FGD6: variants seen among roughly 807,000 people sequenced by gnomAD.
The protein encoded by FGD6 is FYVE, RhoGEF and PH domain-containing protein 6.
A neutral mutation model predicts 149.4 loss-of-function variants in FGD6; 90 were observed. The ratio of observed to expected loss-of-function variants is 0.60; its 90% CI spans 0.51 to 0.72. The LOEUF (loss-of-function observed/expected upper bound fraction) is 0.72. Ranked by LOEUF, FGD6 falls within the 30% of genes least tolerant of loss-of-function variation. The pLI is 0.00. For missense variants in FGD6, 1,437 were observed against 1,684.8 expected (o/e 0.85, Z 2.57); for synonymous variants, 527 against 584.0 (o/e 0.90, Z 1.41).
At chr12:95,106,834 C>G (rs898522801) in intron 13 of FGD6, 120 bp downstream of exon 13, 74 of 721,158 alleles carry the variant, frequency 1.0e-4, no homozygotes, top group Admixed American at 4.0e-4. Flanking sequence ...GTGGAGGTTG[C>G]AGTCAGCCAA....
intron 2 of FGD6, among the ~76,000 whole-genome samples, chr12:95,207,205 C>A (rs2056697266): frequency 6.6e-6 from 1 of 152,082 alleles, no homozygotes. Context: ...ATGGGCTTTT[C>A]AATCTTTCGG....
rs1881428152 is a variant in FGD6 at position 95,186,225 on chromosome 12, C to CTTTTTTTTTTTTTTTTTTTTTTTTTT, written c.2442-13482_2442-13481insAAAAAAAAAAAAAAAAAAAAAAAAAA. On this transcript the variant is annotated intron_variant, in intron 2 of 20. Coordinates refer to ENST00000343958, the MANE Select transcript of FGD6 (RefSeq NM_018351.4). ...AGCTAAGAATGCTTCTTATATTCTT[C>CTTTTTTTTTTTTTTTTTTTTTTTTTT]TTCTTTTTTTTTTTTTTTTTTTTTT... Among the ~76,000 whole-genome samples, 13 of 71,200 alleles carry CTTTTTTTTTTTTTTTTTTTTTTTTTT rather than the reference C, an allele frequency of 1.8e-4. 6 individuals carry two copies. Among genetic ancestry groups the CTTTTTTTTTTTTTTTTTTTTTTTTTT allele is most frequent in the East Asian group, 1.4e-3 (3 of 2,078 alleles). The allele number at this position is 71,200 out of a possible 152,430, so 46.7% of individuals were successfully genotyped here.
At chr12:95,215,209 G>A (rs1008784322) in intron 1 of FGD6, among the ~76,000 whole-genome samples, 1 of 151,904 alleles carries the variant, frequency 6.6e-6, no homozygotes. Flanking sequence ...CTCCACTAAG[G>A]GCAGATTATT....
chr12:95,148,143 T>G (rs1221402590), intron 5 of FGD6, among the ~76,000 whole-genome samples: 1 of 152,002 alleles, frequency 6.6e-6, no homozygotes, highest in East Asian at 1.9e-4. Context: ...AGAGAAAGAT[T>G]CTTTACAACT....
rs1178996583 is a variant in FGD6 at position 95,083,036 on chromosome 12, C to T, written c.4256+1462G>A. ...AAATATATATATATATATATACACA[C>T]ACATACACACACACACACACACACA... is the stretch of plus-strand genomic sequence containing the variant. On this transcript the variant is annotated intron_variant, in intron 20 of 20. Transcript: ENST00000343958. 2.6e-3 allele frequency among the ~76,000 whole-genome samples: 210 copies of T among 82,130 alleles called. 3 individuals are homozygous for T. Among genetic ancestry groups the T allele is most frequent in the African/African-American group, 8.9e-3 (171 of 19,284 alleles). 53.9% of individuals were successfully genotyped at this position (82,130 alleles called of 152,430 possible).
intron 5 of FGD6, among the ~76,000 whole-genome samples, chr12:95,149,993 T>C (rs893554462): frequency 7.6e-6 from 1 of 132,000 alleles, no homozygotes; most frequent in Admixed American, 8.4e-5. Flanking sequence ...TGCTATATAT[T>C]ACACACACAC....
chr12:95,206,284 T>C (rs894093208), intron 2 of FGD6, among the ~76,000 whole-genome samples: 10 of 151,552 alleles, frequency 6.6e-5, no homozygotes, highest in Non-Finnish European at 1.5e-4. Context: ...CAACCAAACT[T>C]ATTACACACA....
At position 95,085,857 on chromosome 12, in the gene FGD6, T is replaced by G. The variant is rs146333760; in HGVS notation, c.4030A>C (p.Lys1344Gln). 3.5e-5 allele frequency: 56 copies of G among 1,613,872 alleles called. 1 individual carries two copies. The highest frequency in any genetic ancestry group is 2.5e-4 in the South Asian group (23 of 91,054). The stretch of plus-strand genomic sequence containing the variant: ...TGTTTCCAGGGTTTTTTATTGCCCT[T>G]TGATCTGTACAAGTAGCCACTCATA... ...SSMSGYLYRS[K>Q]GNKKPWKHFW... Residue 1344 changes from lysine to glutamine, a missense_variant, in exon 19 of 21, where the codon AAG (lysine) becomes CAG (glutamine). By Grantham distance (53) the Lys-to-Gln change is moderately conservative. Around this residue, in one of 2 missense-constraint regions of FGD6, gnomAD observed 382 missense variants for 538.7 expected, o/e 0.71. Coordinates refer to ENST00000343958, the MANE Select transcript of FGD6 (RefSeq NM_018351.4).
intron 3 of FGD6, among the ~76,000 whole-genome samples, chr12:95,158,945 T>G (rs1244105456): frequency 6.6e-6 from 1 of 152,000 alleles, no homozygotes; most frequent in East Asian, 1.9e-4. Context: ...ACCAAAACCA[T>G]TCAGGGAACT....
At chr12:95,125,884 G>A (rs1879323872) in intron 8 of FGD6, 6 of 1,329,864 alleles carry the variant, frequency 4.5e-6, no homozygotes, top group Non-Finnish European at 6.5e-6. Context: ...GGTGGACCTT[G>A]CGCTCAAGTG....
chr12:95,130,228 T>C (rs1879480257), intron 8 of FGD6, among the ~76,000 whole-genome samples: 1 of 152,158 alleles, frequency 6.6e-6, no homozygotes, highest in Admixed American at 6.6e-5. Context: ...CTGCTCTATC[T>C]GGGGATTTCC....
chr12:95,083,030 T>TATATACACACACACACACACACACAC (rs772685891), intron 20 of FGD6, among the ~76,000 whole-genome samples: 4 of 56,594 alleles, frequency 7.1e-5, no homozygotes, highest in Non-Finnish European at 9.8e-5. Context: ...TATATATATA[T>TATATACACACACACACACACACACAC]ACACACACAT....
Position 95,078,929 on chromosome 12 carries a change from C to A in FGD6, c.*2591G>T, listed in dbSNP as rs1387493441. The A allele has an allele frequency of 7.2e-5, 11 of 152,186 alleles. No individual in the cohort carries two copies. The highest frequency in any genetic ancestry group is 7.2e-4 in the Admixed American group (11 of 15,270). 9.4% of individuals were successfully genotyped at this position (152,186 alleles called of 1,614,324 possible). ...CCTGAAAAAGGGTTTGATGGAAGCA[C>A]AGGCACACATATCTGTATAATAAAT... On this transcript the variant is annotated 3_prime_UTR_variant, in exon 21 of 21. Transcript: ENST00000343958.
At position 95,211,090 on chromosome 12, in the gene FGD6, C is replaced by T. The variant is rs1490797029; in HGVS notation, c.194G>A (p.Arg65Gln). ...KPKVLKTSPV[R>Q]EIGQSPSRKI... ...CCTTGATGGCGACTGCCCAATCTCT[C>T]GAACAGGTGAGGTCTTCAGGACTTT... Residue 65 changes from arginine (R) to glutamine (Q), a missense_variant, in exon 2 of 21, where the codon CGA becomes CAA. Physicochemically the swap from Arg to Gln is conservative, Grantham distance 43 (BLOSUM62 1). Coordinates refer to ENST00000343958, the MANE Select transcript of FGD6 (RefSeq NM_018351.4). 3 of 1,614,178 alleles carry T rather than the reference C, an allele frequency of 1.9e-6. No homozygotes were observed. The highest frequency in any genetic ancestry group is 2.2e-5 in the East Asian group (1 of 44,890).
At chr12:95,163,186 C>T (rs1322662392) in intron 3 of FGD6, among the ~76,000 whole-genome samples, 1 of 152,158 alleles carries the variant, frequency 6.6e-6, no homozygotes, top group Non-Finnish European at 1.5e-5. Flanking sequence ...ACACTGTGTA[C>T]TCTCTAACCC....
chr12:95,100,669 C>T (rs1279233349), intron 14 of FGD6: 1 of 538,570 alleles, frequency 1.9e-6, no homozygotes, highest in Non-Finnish European at 3.8e-6. Flanking sequence ...AGCTGCAAAG[C>T]TGGCACCAGA....
intron 6 of FGD6, among the ~76,000 whole-genome samples, chr12:95,140,552 G>A (rs1565906199): frequency 6.6e-6 from 1 of 152,136 alleles, no homozygotes; most frequent in Non-Finnish European, 1.5e-5. Flanking sequence ...GGGAGGCAGA[G>A]GTTGCAGTGA....
intron 3 of FGD6, among the ~76,000 whole-genome samples, chr12:95,161,897 T>C (rs893963398): frequency 6.6e-6 from 1 of 152,150 alleles, no homozygotes; most frequent in Non-Finnish European, 1.5e-5. Flanking sequence ...AGGCAGATCT[T>C]AAATTTCAGA....
rs1288773181 is a variant in FGD6, at chr12:95,168,872, A to C, written c.2586+3728T>G. 2.0e-5 allele frequency among the ~76,000 whole-genome samples: 3 copies of C among 152,202 alleles called. No homozygotes were observed. In the East Asian group the frequency reaches 5.8e-4, roughly 29 times the overall value. On this transcript the variant is annotated intron_variant, in intron 3 of 20. Transcript: ENST00000343958. ...GTTGTTCAAGATCACAGAGCTAGTAAGTGGTGGGAACCCAGGCAATCTGAC... is the reference window on the plus strand; with the variant it reads ...GTTGTTCAAGATCACAGAGCTAGTACGTGGTGGGAACCCAGGCAATCTGAC...
Sources: allele counts gnomAD v4.1 joint callset (sites outside exome capture counted in the v4.1 genomes callset), GRCh38; gene constraint gnomAD v4.1.1; regional missense constraint gnomAD v4.1.1; transcripts MANE v1.5; gene names NCBI Gene and HGNC (gene_info 2026-07-23, HGNC 2026-07-21).